The following EIPR1 variants were observed in gnomAD, a reference collection of about 807,000 sequenced individuals.
The protein encoded by EIPR1 is EARP complex and GARP complex interacting protein 1, also known as EARP and GARP complex-interacting protein 1.
In EIPR1, 25 loss-of-function variants were observed where a neutral mutation model predicts 48.1. That is an observed-to-expected ratio of 0.52 (90% CI 0.38 to 0.73). EIPR1 has a LOEUF of 0.73. Among genes scored for constraint, EIPR1 ranks in the 30% least tolerant of loss-of-function variants. EIPR1 has a pLI of 0.00. For synonymous variants in EIPR1, 204 were observed against 201.9 expected (o/e 1.01, Z -0.09); for missense variants, 415 against 506.2 (o/e 0.82, Z 1.73).
At chr2:3,291,106 A>T (rs1211268143) in intron 3 of EIPR1, among the ~76,000 whole-genome samples, 2 of 152,200 alleles carry the variant, frequency 1.3e-5, no homozygotes, top group Non-Finnish European at 2.9e-5. Flanking sequence ...CATGCCTCAG[A>T]TGCGAGGCTG....
chr2:3,233,303 T>C (rs1666299600), intron 4 of EIPR1, among the ~76,000 whole-genome samples: 1 of 152,186 alleles, frequency 6.6e-6, no homozygotes, highest in Non-Finnish European at 1.5e-5. Flanking sequence ...ATCGTGTGAA[T>C]TTCCATAATT....
intron 3 of EIPR1, among the ~76,000 whole-genome samples, chr2:3,314,358 T>C (rs1314921853): frequency 6.6e-6 from 1 of 152,166 alleles, no homozygotes; most frequent in South Asian, 2.1e-4. Flanking sequence ...TACAGCAGGC[T>C]TCACAGTCCT....
At chr2:3,352,586 C>T (rs1341219878) in intron 2 of EIPR1, among the ~76,000 whole-genome samples, 1 of 152,270 alleles carries the variant, frequency 6.6e-6, no homozygotes, top group Non-Finnish European at 1.5e-5. Context: ...GATACTCCTG[C>T]TGTTGACATA....
At chr2:3,278,317 C>T (rs1224234357) in intron 3 of EIPR1, among the ~76,000 whole-genome samples, 2 of 152,218 alleles carry the variant, frequency 1.3e-5, no homozygotes, top group East Asian at 1.9e-4. Flanking sequence ...GCCCACATGC[C>T]CTGCCCTTGG....
chr2:3,192,345 C>T (rs375004604), intron 8 of EIPR1, 69 bp downstream of exon 8: 2 of 1,479,920 alleles, frequency 1.4e-6, no homozygotes, highest in African/African-American at 1.4e-5. Flanking sequence ...CACAGCCTGG[C>T]TCGGGAGATG....
At chr2:3,306,609 T>C (rs1206084342) in intron 3 of EIPR1, among the ~76,000 whole-genome samples, 2 of 152,196 alleles carry the variant, frequency 1.3e-5, no homozygotes, top group African/African-American at 4.8e-5. Context: ...ACAGACTATA[T>C]TGTTATAATT....
At chr2:3,208,395 C>T (rs764316080) in intron 5 of EIPR1, 190 of 1,412,246 alleles carry the variant, frequency 1.3e-4, no homozygotes, top group Non-Finnish European at 1.7e-4. Context: ...TGACCCACAG[C>T]CCCAGATCTG....
chr2:3,325,624 T>C (rs7573746), intron 3 of EIPR1, among the ~76,000 whole-genome samples: 68,281 of 151,966 alleles, frequency 0.45, 16,505 homozygotes, highest in East Asian at 0.81. Flanking sequence ...AGAGAAAGCA[T>C]ATCCTACTGT....
At chr2:3,311,844 G>T (rs564157540) in intron 3 of EIPR1, among the ~76,000 whole-genome samples, 1 of 152,126 alleles carries the variant, frequency 6.6e-6, no homozygotes, top group Non-Finnish European at 1.5e-5. Flanking sequence ...AGAGGTGGGA[G>T]GGGAGCTCCA....
chr2:3,348,949 C>T (rs753507136), intron 2 of EIPR1, among the ~76,000 whole-genome samples: 1 of 152,198 alleles, frequency 6.6e-6, no homozygotes, highest in Non-Finnish European at 1.5e-5. Context: ...TGTGCACATG[C>T]GCACAGGCGG....
At chr2:3,333,175 C>T (rs999032426) in intron 3 of EIPR1, among the ~76,000 whole-genome samples, 17 of 152,192 alleles carry the variant, frequency 1.1e-4, no homozygotes, top group African/African-American at 3.6e-4. Context: ...AAATAAGTCA[C>T]GAGCTCAGCC....
At chr2:3,351,443 C>A (rs549644251) in intron 2 of EIPR1, among the ~76,000 whole-genome samples, 55 of 152,284 alleles carry the variant, frequency 3.6e-4, no homozygotes, top group African/African-American at 1.3e-3. Context: ...TTCCATGGCC[C>A]CATTTTGTGT....
At position 3,189,203 on chromosome 2, in the gene EIPR1, G is replaced by C. The variant is rs1664511201; in HGVS notation, c.*131C>G. 4 of 979,120 alleles carry C rather than the reference G, an allele frequency of 4.1e-6. No individual in the cohort carries two copies. Among genetic ancestry groups the C allele is most frequent in the Non-Finnish European group, 5.7e-6 (4 of 702,184 alleles). 60.7% of individuals were successfully genotyped at this position (979,120 alleles called of 1,614,324 possible). ...CCCATTCATAAATGCTGCTGCTACA[G>C]GAAGGGAACAGCGGCTCTCCCAGAG... On this transcript the variant is annotated 3_prime_UTR_variant, in exon 9 of 9. Coordinates refer to ENST00000382125, the MANE Select transcript of EIPR1 (RefSeq NM_003310.5). This position sits in a 1 kb window ranked among gnomAD's most constrained non-coding sequence, Gnocchi z 4.6.
intron 4 of EIPR1, among the ~76,000 whole-genome samples, chr2:3,255,093 GAAC>G (rs1371840265): frequency 6.6e-6 from 1 of 152,026 alleles, no homozygotes; most frequent in Non-Finnish European, 1.5e-5. Context: ...GCAATACTTT[GAAC>G]AACAGAGGCA....
intron 3 of EIPR1, among the ~76,000 whole-genome samples, chr2:3,287,805 T>TCATTCAGCATGCTCC (rs1558275244): frequency 1.3e-4 from 8 of 62,468 alleles, no homozygotes; most frequent in East Asian, 4.2e-4. Context: ...CACCATGCTC[T>TCATTCAGCATGCTCC]AGAAAGCTCA....
At chr2:3,199,746 A>T in intron 5 of EIPR1, among the ~76,000 whole-genome samples, 1 of 115,882 alleles carries the variant, frequency 8.6e-6, no homozygotes, top group African/African-American at 3.3e-5. Context: ...ACGCATGGGG[A>T]GGGGTGTGTC....
At chr2:3,288,867 G>A (rs1668285384) in intron 3 of EIPR1, among the ~76,000 whole-genome samples, 3 of 152,212 alleles carry the variant, frequency 2.0e-5, no homozygotes, top group African/African-American at 7.2e-5. Context: ...GCATGGGATG[G>A]GTAGGAGGGC....
intron 1 of EIPR1, among the ~76,000 whole-genome samples, chr2:3,361,336 A>C (rs1311234687): frequency 6.6e-6 from 1 of 152,102 alleles, no homozygotes; most frequent in Non-Finnish European, 1.5e-5. Flanking sequence ...AGCTGCAAGG[A>C]AAGAACTCAC....
chr2:3,214,682 G>A (rs774274880), intron 4 of EIPR1, among the ~76,000 whole-genome samples: 16 of 152,244 alleles, frequency 1.1e-4, no homozygotes, highest in Non-Finnish European at 1.6e-4. Context: ...AACACAAGAC[G>A]TACTTTATAA....
Sources: allele counts gnomAD v4.1 joint callset (sites outside exome capture counted in the v4.1 genomes callset), GRCh38; gene constraint gnomAD v4.1.1; non-coding constraint Gnocchi (gnomAD v3.1); transcripts MANE v1.5; gene names NCBI Gene and HGNC (gene_info 2026-07-23, HGNC 2026-07-21).